MAP3K15: variants seen among roughly 807,000 people sequenced by gnomAD.
MAP3K15 encodes MAPK/ERK kinase kinase 15.
MAP3K15 carries 124 observed loss-of-function variants against 99.5 expected under a neutral mutation model. That is an observed-to-expected ratio of 1.25 (90% CI 1.08 to 1.45). MAP3K15 has a LOEUF of 1.45. MAP3K15 is among the 40% of genes most tolerant of loss of function. The pLI is 0.00. For missense variants in MAP3K15, 1,242 were observed against 1,079.7 expected (o/e 1.15, Z -2.11); for synonymous variants, 494 against 439.6 (o/e 1.12, Z -1.55).
rs2063530659 is a variant in MAP3K15, at chrX:19,391,926, C to G, written c.2431+76G>C. The G allele has an allele frequency of 5.7e-6, 4 of 703,352 alleles. No individual in the cohort carries two copies. In the East Asian group the frequency reaches 1.3e-4, roughly 23 times the overall value. 58.0% of individuals were successfully genotyped at this position (703,352 alleles called of 1,213,427 possible). A position where few individuals can be genotyped will look rare whatever the true frequency, so the allele number is the denominator to read the frequency against. On this transcript the variant is annotated intron_variant, in intron 18 of 28. Transcript: ENST00000338883. ...CTCAGAAAAGGTGCTCACTAAGTAA[C>G]GGCTGAACAACCGCAGCTTGTGCAG...
rs59202439 is a variant in MAP3K15 at position 19,490,140 on chromosome X, TACACACACACACACACACACACAC to T, written c.362-1197_362-1174del. Reference sequence around the variant, plus strand: ...TACGTACAGGCATGTATAGGCATTATACACACACACACACACACACACACACACACACACACACACACACATACA... The same window carrying T: ...TACGTACAGGCATGTATAGGCATTATACACACACACACACACACACATACA... On this transcript the variant is annotated intron_variant, in intron 1 of 28. Transcript: ENST00000338883. Among the ~76,000 whole-genome samples, 16 of 92,471 alleles carry T rather than the reference TACACACACACACACACACACACAC, an allele frequency of 1.7e-4. No homozygotes were observed. In the South Asian group the frequency reaches 2.8e-3, roughly 16 times the overall value. The allele number at this position is 92,471 out of a possible 115,157, so 80.3% of individuals were successfully genotyped here.
chrX:19,382,474 C>T (rs925757622), intron 18 of MAP3K15, among the ~76,000 whole-genome samples: 1 of 111,452 alleles, frequency 9.0e-6, no homozygotes, highest in Non-Finnish European at 1.9e-5. Context: ...CTGTTGGGCC[C>T]TTGAAATGTA....
intron 4 of MAP3K15, among the ~76,000 whole-genome samples, chrX:19,460,976 C>CTT (rs368738911): frequency 1.1e-5 from 1 of 93,873 alleles, no homozygotes. Flanking sequence ...GGTTTCTTTC[C>CTT]TTTTTTTTTT....
At chrX:19,390,697 G>GT (rs201890885) in intron 18 of MAP3K15, among the ~76,000 whole-genome samples, 4,192 of 97,788 alleles carry the variant, frequency 0.043, 267 homozygotes, top group African/African-American at 0.15. Context: ...TATGAAAGCT[G>GT]TTTTTTTTTT....
At chrX:19,432,845 T>A (rs2063894409) in intron 6 of MAP3K15, among the ~76,000 whole-genome samples, 1 of 109,426 alleles carries the variant, frequency 9.1e-6, no homozygotes, top group Non-Finnish European at 1.9e-5. Context: ...CCTTCCAACG[T>A]AGCTGGGATT....
Position 19,417,514 on chromosome X carries a change from G to A in MAP3K15, c.1440-2257C>T, listed in dbSNP as rs760539104. Among the ~76,000 whole-genome samples, 8 of 111,789 alleles carry A rather than the reference G, an allele frequency of 7.2e-5. No homozygotes were observed. In the South Asian group the frequency reaches 1.1e-3, roughly 16 times the overall value. On this transcript the variant is annotated intron_variant, in intron 9 of 28. Transcript: ENST00000338883. ...TGGGGGAGGGGCGCCCACCACTGCC[G>A]AGGCTTGAGTAGGTAAACAAAGCCT...
intron 10 of MAP3K15, chrX:19,414,343 A>T (rs1296542578): frequency 4.8e-6 from 1 of 208,351 alleles, no homozygotes; most frequent in Non-Finnish European, 7.0e-6. Flanking sequence ...CTAAAAAAAG[A>T]TTTTAAAATG....
At chrX:19,424,245 C>CAT (rs1426111598) in intron 9 of MAP3K15, among the ~76,000 whole-genome samples, 1 of 106,882 alleles carries the variant, frequency 9.4e-6, no homozygotes, top group Non-Finnish European at 1.9e-5. Flanking sequence ...CATATATATA[C>CAT]ATATATATAC....
intron 1 of MAP3K15, among the ~76,000 whole-genome samples, chrX:19,491,365 A>G (rs1320982676): frequency 9.0e-6 from 1 of 111,355 alleles, no homozygotes; most frequent in Admixed American, 9.6e-5. Flanking sequence ...CAGTGAACAG[A>G]GCACCCCCAG....
intron 1 of MAP3K15, among the ~76,000 whole-genome samples, chrX:19,507,745 G>C (rs189900991): frequency 9.1e-6 from 1 of 110,466 alleles, no homozygotes; most frequent in African/African-American, 3.3e-5. Flanking sequence ...AGGGGAGTTT[G>C]TGGGAGAGGG....
intron 3 of MAP3K15, among the ~76,000 whole-genome samples, chrX:19,484,130 G>A (rs972215349): frequency 2.7e-5 from 3 of 111,768 alleles, no homozygotes; most frequent in Non-Finnish European, 5.6e-5. Flanking sequence ...AACCCCCGGG[G>A]CCATGGACCA....
chrX:19,423,603 G>A (rs58186577), intron 9 of MAP3K15, among the ~76,000 whole-genome samples: 5,363 of 111,562 alleles, frequency 0.048, 349 homozygotes, highest in African/African-American at 0.17. Flanking sequence ...GGGAAGATAG[G>A]CCAGCTAGAC....
At chrX:19,380,854 C>T (rs1244107597) in intron 18 of MAP3K15, among the ~76,000 whole-genome samples, 1 of 112,812 alleles carries the variant, frequency 8.9e-6, no homozygotes, top group South Asian at 3.6e-4. Flanking sequence ...AGGCATGCAA[C>T]ATGCCTTCCT....
chrX:19,507,654 CAAGT>C (rs1434137178), intron 1 of MAP3K15, among the ~76,000 whole-genome samples: 4 of 88,469 alleles, frequency 4.5e-5, no homozygotes, highest in African/African-American at 1.7e-4. Context: ...CTAAAGATTT[CAAGT>C]GAGTATGATG....
intron 19 of MAP3K15, among the ~76,000 whole-genome samples, chrX:19,379,604 C>T (rs952287611): frequency 9.1e-6 from 1 of 110,220 alleles, no homozygotes. Context: ...TGCGCCACCA[C>T]GTCCAGCTGA....
At chrX:19,384,895 G>A (rs1022173227) in intron 18 of MAP3K15, among the ~76,000 whole-genome samples, 4 of 109,925 alleles carry the variant, frequency 3.6e-5, no homozygotes, top group South Asian at 3.9e-4. Flanking sequence ...CACATTGTGT[G>A]CCTGTATCAA....
chrX:19,405,114 T>G (rs1482662996), intron 13 of MAP3K15, among the ~76,000 whole-genome samples: 1 of 110,437 alleles, frequency 9.1e-6, no homozygotes, highest in Non-Finnish European at 1.9e-5. Context: ...GCAAATCATA[T>G]CTGATAAAGA....
intron 18 of MAP3K15, among the ~76,000 whole-genome samples, chrX:19,382,736 A>G (rs12014163): frequency 0.14 from 16,033 of 111,210 alleles, 2,609 homozygotes; most frequent in African/African-American, 0.47. Flanking sequence ...AGAAGGGAAC[A>G]TCCGATGACA....
At chrX:19,432,019 T>C (rs1482467413) in intron 6 of MAP3K15, among the ~76,000 whole-genome samples, 1 of 106,897 alleles carries the variant, frequency 9.4e-6, no homozygotes, top group Non-Finnish European at 1.9e-5. Flanking sequence ...GGTGCAAGGA[T>C]GCTGTACTTT....
Sources: allele counts gnomAD v4.1 joint callset (sites outside exome capture counted in the v4.1 genomes callset), GRCh38; gene constraint gnomAD v4.1.1; transcripts MANE v1.5; gene names NCBI Gene and HGNC (gene_info 2026-07-23, HGNC 2026-07-21).